ZC3H12B: variants seen among roughly 807,000 people sequenced by gnomAD.
ZC3H12B encodes zinc finger CCCH-type containing 12B, also known as probable ribonuclease ZC3H12B.
Under a neutral mutation model 43.9 loss-of-function variants are expected in ZC3H12B, and 7 were observed. The observed-to-expected ratio is 0.16, with a 90% CI of 0.09 to 0.30. The LOEUF (loss-of-function observed/expected upper bound fraction) is 0.30. Among genes scored for constraint, ZC3H12B ranks in the 10% least tolerant of loss-of-function variants. The probability of loss-of-function intolerance (pLI) is 1.00; values close to 1 mark genes in which losing one functional copy is unlikely to be tolerated. For synonymous variants in ZC3H12B, 222 were observed against 241.7 expected (o/e 0.92, Z 0.76); for missense variants, 475 against 670.2 (o/e 0.71, Z 3.22).
chrX:65,185,109 G>C, the ZC3H12B span: 1 of 111,309 alleles, frequency 9.0e-6, no homozygotes, highest in African/African-American at 3.3e-5. Flanking sequence ...CAGCTGTAAA[G>C]CATAACTAGG....
the ZC3H12B span, among the ~76,000 whole-genome samples, chrX:65,294,414 A>G: frequency 8.9e-6 from 1 of 111,752 alleles, no homozygotes; most frequent in Middle Eastern, 4.2e-3. Flanking sequence ...AAAGGCATAA[A>G]TCTTACAGGA....
chrX:65,253,808 A>G, the ZC3H12B span, among the ~76,000 whole-genome samples: 4 of 112,028 alleles, frequency 3.6e-5, no homozygotes, highest in African/African-American at 1.3e-4. Flanking sequence ...GCACCAGCAC[A>G]CTGGCATCTT....
At chrX:65,103,697 C>A in the ZC3H12B span, among the ~76,000 whole-genome samples, 4 of 111,538 alleles carry the variant, frequency 3.6e-5, no homozygotes, top group Admixed American at 2.9e-4. Flanking sequence ...AATTTATGTT[C>A]TTCTGCCATG....
chrX:65,318,309 C>A, the ZC3H12B span, among the ~76,000 whole-genome samples: 1 of 109,608 alleles, frequency 9.1e-6, no homozygotes, highest in African/African-American at 3.3e-5. Context: ...TATTTGCTGG[C>A]CGTTTGTATT....
chrX:65,331,071 C>T, the ZC3H12B span: 2 of 320,051 alleles, frequency 6.2e-6, no homozygotes, highest in Admixed American at 3.4e-5. Flanking sequence ...TGGAATGATT[C>T]AACCCTATTT....
chrX:65,376,229 A>G (rs2066344070), intron 2 of ZC3H12B, among the ~76,000 whole-genome samples: 1 of 112,218 alleles, frequency 8.9e-6, no homozygotes, highest in African/African-American at 3.2e-5. Context: ...TAGGGAAAGC[A>G]TCTCATTGAG....
chrX:65,189,914 G>A, the ZC3H12B span, among the ~76,000 whole-genome samples: 2 of 107,620 alleles, frequency 1.9e-5, no homozygotes, highest in Non-Finnish European at 3.8e-5. Context: ...TTTCTTCTAG[G>A]GTTTTTATGG....
At chrX:65,404,137 C>A (rs1158885513) in intron 3 of ZC3H12B, among the ~76,000 whole-genome samples, 2 of 111,564 alleles carry the variant, frequency 1.8e-5, no homozygotes, top group South Asian at 3.7e-4. Flanking sequence ...CTTTTTGTTT[C>A]TTTATTTGTT....
At chrX:65,310,873 C>T in the ZC3H12B span, among the ~76,000 whole-genome samples, 1 of 111,876 alleles carries the variant, frequency 8.9e-6, no homozygotes, top group Admixed American at 9.5e-5. Context: ...CTTTGACAAA[C>T]TTGACAAAAA....
chrX:65,320,725 G>T, the ZC3H12B span, among the ~76,000 whole-genome samples: 5 of 111,598 alleles, frequency 4.5e-5, no homozygotes, highest in African/African-American at 1.3e-4. Flanking sequence ...ACAGAATAGA[G>T]AGCCCAGAAA....
chrX:65,323,078 T>A, the ZC3H12B span, among the ~76,000 whole-genome samples: 1 of 111,844 alleles, frequency 8.9e-6, no homozygotes, highest in Non-Finnish European at 1.9e-5. Context: ...TATTTTGGAT[T>A]ATGTTGTCAA....
At chrX:65,114,916 A>ATT in the ZC3H12B span, among the ~76,000 whole-genome samples, 1,994 of 19,225 alleles carry the variant, frequency 0.1, 309 homozygotes, top group Middle Eastern at 0.23. Flanking sequence ...GTGTCTCAGG[A>ATT]TTTTTTTTTT....
At chrX:65,118,078 G>A in the ZC3H12B span, among the ~76,000 whole-genome samples, 2 of 111,530 alleles carry the variant, frequency 1.8e-5, no homozygotes, top group African/African-American at 6.5e-5. Context: ...CTTTAAAGTA[G>A]TTTTTTCCAA....
intron 3 of ZC3H12B, among the ~76,000 whole-genome samples, chrX:65,480,143 T>C (rs2148211473): frequency 8.9e-6 from 1 of 112,625 alleles, no homozygotes; most frequent in African/African-American, 3.2e-5. Context: ...AATCAGATTT[T>C]TTAAGGTCCT....
At chrX:65,167,597 T>A in the ZC3H12B span, among the ~76,000 whole-genome samples, 2 of 111,731 alleles carry the variant, frequency 1.8e-5, no homozygotes, top group Non-Finnish European at 3.8e-5. Context: ...TTGGTAGCTT[T>A]ATGGGGATTG....
chrX:65,102,609 T>A, the ZC3H12B span, among the ~76,000 whole-genome samples: 4 of 111,851 alleles, frequency 3.6e-5, no homozygotes, highest in Non-Finnish European at 7.5e-5. Flanking sequence ...AACAGAGAGC[T>A]AAATCATGAG....
rs751487713 is a variant in ZC3H12B at position 65,488,756 on chromosome X, A to T, written c.-46A>T. ...ACTGCATGTGGATTCCAAGCAGGCT[A>T]AAAAGAAAAAGAACTGATTAGACCT... On this transcript the variant is annotated 5_prime_UTR_variant, in exon 1 of 5. An upstream open reading frame in the 5' UTR gains an earlier in-frame stop. Coordinates refer to ENST00000338957, the Ensembl canonical transcript of ZC3H12B. 15 of 1,103,834 alleles carry T rather than the reference A, an allele frequency of 1.4e-5. No homozygotes were observed. 91.0% of individuals were successfully genotyped at this position (1,103,834 alleles called of 1,213,427 possible).
the ZC3H12B span, among the ~76,000 whole-genome samples, chrX:65,055,940 T>G: frequency 8.9e-6 from 1 of 111,942 alleles, no homozygotes; most frequent in African/African-American, 3.2e-5. Flanking sequence ...GATATCCCCT[T>G]TATCATTTTT....
chrX:65,037,176 A>G, the ZC3H12B span, among the ~76,000 whole-genome samples: 26 of 111,179 alleles, frequency 2.3e-4, no homozygotes, highest in Non-Finnish European at 1.3e-4. Context: ...GAAAATACAT[A>G]TATGAGACAC....
Sources: gnomAD v4.1 joint callset for allele counts (sites outside exome capture counted in the v4.1 genomes callset) on GRCh38, gnomAD v4.1.1 for gene constraint, MANE v1.5 for transcripts, NCBI Gene and HGNC (gene_info 2026-07-23, HGNC 2026-07-21) for gene names.